Variants in USP37 observed in about 807,000 individuals in gnomAD.
USP37 encodes ubiquitin specific peptidase 37, also known as ubiquitin carboxyl-terminal hydrolase 37.
A neutral mutation model predicts 124.0 loss-of-function variants in USP37; 27 were observed. The observed-to-expected ratio is 0.22, with a 90% CI of 0.16 to 0.30. The LOEUF (loss-of-function observed/expected upper bound fraction) is 0.30, where lower values mean the gene tolerates loss of function less well. Among genes scored for constraint, USP37 ranks in the 10% least tolerant of loss-of-function variants. The pLI is 1.00. For missense variants in USP37, 889 were observed against 1,140.4 expected, an observed-to-expected ratio of 0.78 and a Z score of 3.17; for synonymous variants, 365 against 388.0, an observed-to-expected ratio of 0.94 and a Z score of 0.70.
rs1472070513 is a variant in USP37 at position 218,455,653 on chromosome 2, C to T, written c.2779G>A (p.Val927Ile). 2 of 1,614,024 alleles carry T rather than the reference C, an allele frequency of 1.2e-6. No homozygotes were observed. Among genetic ancestry groups the T allele is most frequent in the South Asian group, 1.1e-5 (1 of 91,076 alleles). Residue 927 changes from valine (V) to isoleucine (I), a missense_variant, in exon 25 of 26, where the codon GTA (valine) becomes ATA (isoleucine). Coordinates refer to ENST00000258399, the MANE Select transcript of USP37 (RefSeq NM_020935.3). ...QAWFTYNDLEVSKIQEAAVQS... is the reference protein window; with the variant it reads ...QAWFTYNDLEISKIQEAAVQS... ...ACGGCAGCCTCTTGGATTTTTGATA[C>T]CTCCAGGTCATTGTAAGTAAACCAC...
At chr2:218,488,862 C>T (rs1049392303) in intron 14 of USP37, among the ~76,000 whole-genome samples, 8 of 151,878 alleles carry the variant, frequency 5.3e-5, no homozygotes, top group Admixed American at 1.3e-4. Flanking sequence ...CTCGAACTCC[C>T]GATCTCAGGT....
chr2:218,542,375 T>A (rs1483569509), intron 8 of USP37, among the ~76,000 whole-genome samples: 1 of 152,206 alleles, frequency 6.6e-6, no homozygotes, highest in Non-Finnish European at 1.5e-5. Flanking sequence ...TTCCCAAAAG[T>A]GTAGTGAACA....
chr2:218,542,615 C>G (rs1046755656), intron 8 of USP37, among the ~76,000 whole-genome samples: 1 of 152,108 alleles, frequency 6.6e-6, no homozygotes, highest in African/African-American at 2.4e-5. Flanking sequence ...CCAATATTGG[C>G]AGTGACAGCA....
chr2:218,522,038 CTTT>C (rs35206236), intron 10 of USP37, among the ~76,000 whole-genome samples: 4 of 116,766 alleles, frequency 3.4e-5, no homozygotes, highest in South Asian at 3.1e-4. Context: ...CCACACGTGG[CTTT>C]TTTTTTTTTT....
chr2:218,563,896 A>T (rs1004719175), intron 1 of USP37, among the ~76,000 whole-genome samples: 1 of 152,094 alleles, frequency 6.6e-6, no homozygotes, highest in Non-Finnish European at 1.5e-5. Context: ...TGAGACCACA[A>T]TGTGTTCTCA....
chr2:218,508,065 A>G (rs972978180), intron 11 of USP37, among the ~76,000 whole-genome samples: 1 of 152,214 alleles, frequency 6.6e-6, no homozygotes, highest in Non-Finnish European at 1.5e-5. Flanking sequence ...AAACAGGAAC[A>G]CTGAAGGAAT....
At chr2:218,567,977 A>C (rs1693739459) in intron 1 of USP37, among the ~76,000 whole-genome samples, 2 of 152,302 alleles carry the variant, frequency 1.3e-5, no homozygotes, top group South Asian at 4.1e-4. Flanking sequence ...AGTGGAGACC[A>C]AGTCAAAGGA....
At chr2:218,471,279 A>T (rs1310583274) in intron 20 of USP37, among the ~76,000 whole-genome samples, 1 of 152,194 alleles carries the variant, frequency 6.6e-6, no homozygotes, top group Non-Finnish European at 1.5e-5. Context: ...ATTATATTTG[A>T]TGATCTAAGT....
Position 218,450,922 on chromosome 2 carries a change from G to A in USP37, c.*4008C>T. ...CACACATGGAGACAACTTACTAATT[G>A]TGTGTAAGTATGATACAATGAATGA... On this transcript the variant is annotated 3_prime_UTR_variant, in exon 26 of 26. Coordinates refer to ENST00000258399, the MANE Select transcript of USP37 (RefSeq NM_020935.3). 1 of 152,126 alleles carries A rather than the reference G, an allele frequency of 6.6e-6. No individual in the cohort carries two copies. The highest frequency in any genetic ancestry group is 1.9e-4 in the East Asian group (1 of 5,204). The allele number at this position is 152,126 out of a possible 1,614,324, so 9.4% of individuals were successfully genotyped here.
chr2:218,538,042 T>C (rs569719018), intron 8 of USP37, among the ~76,000 whole-genome samples: 1 of 152,202 alleles, frequency 6.6e-6, no homozygotes, highest in South Asian at 2.1e-4. Context: ...GCAGGTATAT[T>C]GGAATTGGGC....
chr2:218,567,903 G>C (rs1353075074), intron 1 of USP37, among the ~76,000 whole-genome samples: 1 of 152,172 alleles, frequency 6.6e-6, no homozygotes, highest in African/African-American at 2.4e-5. Context: ...TAGAAGGTAA[G>C]AGGCGAACGA....
intron 5 of USP37, among the ~76,000 whole-genome samples, chr2:218,550,468 C>G (rs1692603350): frequency 1.3e-5 from 2 of 151,978 alleles, no homozygotes; most frequent in African/African-American, 4.8e-5. Context: ...CAATTTCCAA[C>G]TGATGACCAT....
chr2:218,558,670 G>A lies in USP37; in HGVS notation c.-17C>T. On this transcript the variant is annotated 5_prime_UTR_variant, in exon 4 of 26. Transcript: ENST00000258399. ...AGGAGACATATTTTCTTTAAAAATTGCTTCTGGCTAAATTAAAAAGCAAAA... is the reference window on the plus strand; with the variant it reads ...AGGAGACATATTTTCTTTAAAAATTACTTCTGGCTAAATTAAAAAGCAAAA... 2 of 1,570,088 alleles carry A rather than the reference G, an allele frequency of 1.3e-6. No homozygotes were observed. Among genetic ancestry groups the A allele is most frequent in the South Asian group, 1.2e-5 (1 of 84,340 alleles).
chr2:218,534,580 C>A, intron 9 of USP37, 29 bp downstream of exon 9: 1 of 1,369,268 alleles, frequency 7.3e-7, no homozygotes, highest in South Asian at 1.4e-5. Flanking sequence ...TAAATGAGCA[C>A]CTTATTTATT....
At chr2:218,480,153 A>G (rs1691180065) in intron 17 of USP37, among the ~76,000 whole-genome samples, 1 of 151,844 alleles carries the variant, frequency 6.6e-6, no homozygotes, top group African/African-American at 2.4e-5. Flanking sequence ...CTCAAAAAAA[A>G]AAAAAATGGC....
rs544786048 is a variant in USP37 at position 218,512,507 on chromosome 2, CA to C, written c.864-2368del. ...TGAGGGACAGAGAGAGACGCTGTCT[CA>C]AAAAAAATAAAAAAAGTTAAAAATT... On this transcript the variant is annotated intron_variant, in intron 10 of 25. Transcript: ENST00000258399. Among the ~76,000 whole-genome samples, 376 of 150,222 alleles carry C rather than the reference CA, an allele frequency of 2.5e-3. 2 individuals carry two copies. Among genetic ancestry groups the C allele is most frequent in the African/African-American group, 8.7e-3 (354 of 40,888 alleles).
intron 22 of USP37, among the ~76,000 whole-genome samples, chr2:218,460,658 C>A (rs939467345): frequency 1.3e-5 from 2 of 151,844 alleles, no homozygotes; most frequent in Non-Finnish European, 2.9e-5. Context: ...TAAATCATTT[C>A]TTGGCCGAGT....
intron 18 of USP37, among the ~76,000 whole-genome samples, chr2:218,477,645 G>A (rs958457572): frequency 1.3e-5 from 2 of 152,246 alleles, no homozygotes; most frequent in East Asian, 1.9e-4. Flanking sequence ...TAATGTAAAA[G>A]CAAACTATCT....
At chr2:218,544,430 T>TATAGAGAGAG (rs377397246) in intron 8 of USP37, among the ~76,000 whole-genome samples, 88 of 50,786 alleles carry the variant, frequency 1.7e-3, no homozygotes, top group African/African-American at 7.3e-3. Context: ...TATATATATA[T>TATAGAGAGAG]AGAGAGAGAG....
Sources: gnomAD v4.1 joint callset for allele counts (sites outside exome capture counted in the v4.1 genomes callset) on GRCh38, gnomAD v4.1.1 for gene constraint, MANE v1.5 for transcripts, NCBI Gene and HGNC (gene_info 2026-07-23, HGNC 2026-07-21) for gene names.